The following MAST2 variants were observed in gnomAD, a reference collection of about 807,000 sequenced individuals.
MAST2 encodes microtubule associated serine/threonine kinase 2.
Under a neutral mutation model 147.4 loss-of-function variants are expected in MAST2, and 70 were observed. That is an observed-to-expected ratio of 0.47 (90% CI 0.39 to 0.58). The LOEUF is 0.58. Ranked by LOEUF, MAST2 falls within the 20% of genes least tolerant of loss-of-function variation. The pLI, the probability that MAST2 is intolerant of heterozygous loss-of-function variation, is 0.00. For synonymous variants in MAST2, 869 were observed against 896.8 expected (o/e 0.97, Z 0.55); for missense variants, 2,080 against 2,302.3 (o/e 0.90, Z 1.98).
chr1:45,949,359 TAAAC>T (rs1281044729), intron 4 of MAST2, among the ~76,000 whole-genome samples: 3 of 152,124 alleles, frequency 2.0e-5, no homozygotes, highest in Non-Finnish European at 4.4e-5. Context: ...ATAAGGAACT[TAAAC>T]AAATTTACAG....
chr1:45,870,514 T>TTA (rs35057731), intron 3 of MAST2, among the ~76,000 whole-genome samples: 6,332 of 148,040 alleles, frequency 0.043, 157 homozygotes, highest in Non-Finnish European at 0.059. Context: ...ATCAATTTGT[T>TTA]TATATATATA....
At chr1:46,029,705 A>C (rs1646560441) in intron 19 of MAST2, 126 bp from the exon 20 acceptor site, 1 of 1,394,470 alleles carries the variant, frequency 7.2e-7, no homozygotes, top group African/African-American at 1.4e-5. Flanking sequence ...TGTAGGCAGA[A>C]AAGGGAAGAT....
At chr1:45,898,087 C>T (rs936736749) in intron 4 of MAST2, among the ~76,000 whole-genome samples, 5 of 151,850 alleles carry the variant, frequency 3.3e-5, no homozygotes, top group African/African-American at 9.7e-5. Flanking sequence ...CCAGCCTGGG[C>T]GACAGAGTGA....
chr1:45,956,957 C>T (rs556823717), intron 4 of MAST2, among the ~76,000 whole-genome samples: 12 of 152,250 alleles, frequency 7.9e-5, no homozygotes, highest in African/African-American at 2.6e-4. Context: ...GTGTTGGACT[C>T]GTATTTGGTC....
chr1:45,818,069 A>G (rs78555418), intron 1 of MAST2, among the ~76,000 whole-genome samples: 1,846 of 152,248 alleles, frequency 0.012, 29 homozygotes, highest in African/African-American at 0.039. Context: ...TTAGGTGAAT[A>G]TGGCGGGAGG....
At position 45,829,444 on chromosome 1, in the gene MAST2, C is replaced by A; in HGVS notation, c.331C>A (p.Gln111Lys). Reference protein sequence around the residue: ...GNLASSLSGKQLLPLSSSVHS... With the variant: ...GNLASSLSGKKLLPLSSSVHS... ...TCCAAACCTTGTATTTGAAGGTAAG[C>A]AGCTGCTCCCTTTGTCCAGCAGTGT... The change falls in exon 3 of 29, where the codon CAG (glutamine) becomes AAG (lysine). Residue 111 changes from glutamine (Q) to lysine (K), a missense_variant. By Grantham distance (53) the Gln-to-Lys change is moderately conservative. This residue lies in a region of MAST2 where 569 missense variants were observed against 642.5 expected (regional missense o/e 0.89). Coordinates refer to ENST00000361297, the MANE Select transcript of MAST2 (RefSeq NM_015112.3). 6.2e-7 allele frequency: 1 copy of A among 1,607,520 alleles called. No individual in the cohort carries two copies. The highest frequency in any genetic ancestry group is 8.5e-7 in the Non-Finnish European group (1 of 1,177,556).
intron 6 of MAST2, 85 bp downstream of exon 6, chr1:45,997,884 T>C: frequency 9.1e-7 from 1 of 1,103,588 alleles, no homozygotes; most frequent in Non-Finnish European, 1.4e-6. Context: ...CTCCTTTAAG[T>C]GTCACTACTC....
chr1:45,865,140 G>A (rs1350779355), intron 3 of MAST2: 4 of 456,388 alleles, frequency 8.8e-6, no homozygotes, highest in Non-Finnish European at 1.8e-5. Context: ...AGGGTTACAG[G>A]TGAGTAAAAG....
chr1:46,010,775 A>G lies in MAST2; in HGVS notation c.1024A>G (p.Asn342Asp), dbSNP rs202066492. Residue 342 changes from asparagine (N) to aspartate (D), a missense_variant, in exon 10 of 29, where the codon AAC (asparagine) becomes GAC (aspartate). Physicochemically the swap from Asn to Asp is conservative, Grantham distance 23 (BLOSUM62 1). Transcript: ENST00000361297. Reference sequence around the variant, plus strand: ...GCGACTAGCAGAGTTTATTTCCTCCAACACTCCAGACAGCGTGCTGCCCTT... The same window carrying G: ...GCGACTAGCAGAGTTTATTTCCTCCGACACTCCAGACAGCGTGCTGCCCTT... ...EERLAEFISS[N>D]TPDSVLPLAD... 965 of 1,614,118 alleles carry G rather than the reference A, an allele frequency of 6.0e-4. 1 individual carries two copies. The highest frequency in any genetic ancestry group is 7.5e-4 in the Non-Finnish European group (888 of 1,180,024).
At chr1:45,921,793 T>C (rs1335258970) in intron 4 of MAST2, among the ~76,000 whole-genome samples, 1 of 152,156 alleles carries the variant, frequency 6.6e-6, no homozygotes, top group Non-Finnish European at 1.5e-5. Flanking sequence ...TCTCTCCTTC[T>C]CTCTTCTCTC....
chr1:45,825,215 C>G (rs201283943), intron 2 of MAST2, among the ~76,000 whole-genome samples: 1 of 151,860 alleles, frequency 6.6e-6, no homozygotes. Flanking sequence ...TTAGTAGAGA[C>G]GGGGTTTCAC....
At chr1:45,852,546 T>A (rs918903182) in intron 3 of MAST2, among the ~76,000 whole-genome samples, 6 of 149,778 alleles carry the variant, frequency 4.0e-5, no homozygotes, top group South Asian at 2.1e-4. Context: ...TTTTTTTTTT[T>A]AATTTGTAGA....
chr1:45,843,586 T>C (rs1183064700), intron 3 of MAST2, among the ~76,000 whole-genome samples: 1 of 152,014 alleles, frequency 6.6e-6, no homozygotes, highest in East Asian at 1.9e-4. Flanking sequence ...TAAATCACCA[T>C]GGGAGAGAGT....
rs1656628353 is a variant in MAST2, at chr1:45,938,472, C to T, written c.501-20914C>T. Among the ~76,000 whole-genome samples the T allele has an allele frequency of 2.0e-5, 3 of 152,108 alleles. No homozygotes were observed. The South Asian group carries it at 6.2e-4, about 32-fold the overall frequency. On this transcript the variant is annotated intron_variant, in intron 4 of 28. Coordinates refer to ENST00000361297, the MANE Select transcript of MAST2 (RefSeq NM_015112.3). ...CCAAGTGACTGGGACCACAGGTGCACACCACCATACCCAGCTAATTATTAT... is the reference window on the plus strand; with the variant it reads ...CCAAGTGACTGGGACCACAGGTGCATACCACCATACCCAGCTAATTATTAT...
At chr1:45,921,199 T>C (rs950496120) in intron 4 of MAST2, among the ~76,000 whole-genome samples, 1 of 152,180 alleles carries the variant, frequency 6.6e-6, no homozygotes, top group African/African-American at 2.4e-5. Context: ...TTTCACCACG[T>C]TGGTCAGGCT....
intron 4 of MAST2, chr1:45,913,992 G>A: frequency 1.5e-6 from 1 of 651,810 alleles, no homozygotes; most frequent in Non-Finnish European, 2.0e-6. Flanking sequence ...TGCCTGTCAG[G>A]AAGAGGGCTG....
intron 3 of MAST2, among the ~76,000 whole-genome samples, chr1:45,832,794 T>C (rs927425937): frequency 6.6e-6 from 1 of 152,206 alleles, no homozygotes; most frequent in Non-Finnish European, 1.5e-5. Flanking sequence ...TATTGAGATA[T>C]AATTCACATA....
intron 1 of MAST2, among the ~76,000 whole-genome samples, chr1:45,804,780 T>A (rs911332633): frequency 3.2e-4 from 48 of 152,196 alleles, no homozygotes; most frequent in African/African-American, 1.0e-3. Context: ...TAGTCAAGAG[T>A]AGGTGTATTT....
intron 4 of MAST2, among the ~76,000 whole-genome samples, chr1:45,921,470 T>A (rs1464031713): frequency 6.6e-6 from 1 of 152,140 alleles, no homozygotes; most frequent in Admixed American, 6.5e-5. Context: ...CTGGATCCCA[T>A]GCCTCCAAAG....
Sources: gnomAD v4.1 joint callset for allele counts (sites outside exome capture counted in the v4.1 genomes callset) on GRCh38, gnomAD v4.1.1 for gene constraint, gnomAD v4.1.1 regional missense constraint, MANE v1.5 for transcripts, NCBI Gene and HGNC (gene_info 2026-07-23, HGNC 2026-07-21) for gene names.